Variants in CCDC3 observed in about 807,000 individuals in gnomAD.
The protein encoded by CCDC3 is coiled-coil domain containing 3.
A neutral mutation model predicts 21.4 loss-of-function variants in CCDC3; 24 were observed. The observed-to-expected ratio is 1.12, with a 90% CI of 0.81 to 1.58. The LOEUF is 1.58. Ranked by LOEUF, CCDC3 falls within the 40% of genes most tolerant of loss-of-function variation. CCDC3 has a pLI of 0.00. For synonymous variants in CCDC3, 186 were observed against 166.0 expected (o/e 1.12, Z -0.93); for missense variants, 425 against 360.9 (o/e 1.18, Z -1.44).
chr10:13,047,070 G>A (rs1836539025), intron 5 of CCDC3, among the ~76,000 whole-genome samples: 1 of 152,176 alleles, frequency 6.6e-6, no homozygotes, highest in Non-Finnish European at 1.5e-5. Context: ...CATTTATGAA[G>A]CAGCTGTTAC....
At chr10:12,908,122 G>C (rs573237170) in intron 2 of CCDC3, among the ~76,000 whole-genome samples, 6 of 152,188 alleles carry the variant, frequency 3.9e-5, no homozygotes, top group Non-Finnish European at 8.8e-5. Flanking sequence ...TTCTACTACA[G>C]AGATCATAAA....
At chr10:13,081,220 G>A (rs1233019681) in intron 3 of CCDC3, among the ~76,000 whole-genome samples, 3 of 149,840 alleles carry the variant, frequency 2.0e-5, no homozygotes, top group African/African-American at 4.9e-5. Flanking sequence ...CACTGCTGAT[G>A]TCCCCACATT....
chr10:12,947,623 A>G (rs1834935273), intron 2 of CCDC3, among the ~76,000 whole-genome samples: 2 of 152,306 alleles, frequency 1.3e-5, no homozygotes, highest in African/African-American at 4.8e-5. Context: ...GTGGACGGGA[A>G]TCTAGATCTT....
At chr10:13,057,673 T>C (rs1283695275) in intron 4 of CCDC3, among the ~76,000 whole-genome samples, 3 of 151,440 alleles carry the variant, frequency 2.0e-5, no homozygotes, top group African/African-American at 4.9e-5. Flanking sequence ...AGGTCAGGAG[T>C]TCAAGACCAG....
intron 2 of CCDC3, among the ~76,000 whole-genome samples, chr10:12,986,455 C>G (rs1439982773): frequency 6.6e-6 from 1 of 152,054 alleles, no homozygotes. Flanking sequence ...AAGATTATTC[C>G]AAAATAAAAT....
intron 4 of CCDC3, among the ~76,000 whole-genome samples, chr10:13,062,220 T>C (rs1328438690): frequency 1.3e-5 from 2 of 152,256 alleles, no homozygotes; most frequent in East Asian, 3.9e-4. Flanking sequence ...AGCTTAGTCC[T>C]CAGTCTGAAT....
intron 5 of CCDC3, among the ~76,000 whole-genome samples, chr10:13,027,049 G>A (rs1157596793): frequency 6.6e-6 from 1 of 152,160 alleles, no homozygotes; most frequent in East Asian, 1.9e-4. Flanking sequence ...AGTTCCCATG[G>A]CAATCTTGGT....
intron 2 of CCDC3, among the ~76,000 whole-genome samples, chr10:12,958,361 T>C (rs1835126417): frequency 6.6e-6 from 1 of 152,158 alleles, no homozygotes; most frequent in African/African-American, 2.4e-5. Flanking sequence ...AGCCAGCAGC[T>C]GCAGGTGCCA....
At chr10:13,020,675 T>C (rs1010074322) in intron 5 of CCDC3, among the ~76,000 whole-genome samples, 2 of 152,160 alleles carry the variant, frequency 1.3e-5, no homozygotes, top group Non-Finnish European at 2.9e-5. Context: ...CTTTTGATTA[T>C]TGGATAACCA....
chr10:13,012,424 G>A (rs1351981236), intron 5 of CCDC3, among the ~76,000 whole-genome samples: 1 of 152,134 alleles, frequency 6.6e-6, no homozygotes, highest in Non-Finnish European at 1.5e-5. Context: ...CAGCCAATAA[G>A]CATTTGAAAA....
chr10:12,930,217 G>C (rs556933171), intron 2 of CCDC3, among the ~76,000 whole-genome samples: 1 of 152,060 alleles, frequency 6.6e-6, no homozygotes, highest in South Asian at 2.1e-4. Flanking sequence ...AGGACAATAC[G>C]TTGTACAGTT....
At chr10:13,001,800 G>A (rs1433874498), upstream of CCDC3, 2 of 167,186 alleles carry the variant, frequency 1.2e-5, no homozygotes, top group African/African-American at 4.8e-5. Context: ...CCTGCGGCTG[G>A]GGCGTGGGCG....
chr10:12,899,947 G>A (rs1034095773), intron 2 of CCDC3, among the ~76,000 whole-genome samples: 5 of 152,188 alleles, frequency 3.3e-5, no homozygotes, highest in Non-Finnish European at 7.3e-5. Context: ...TGTCATGGGA[G>A]GGACCCAGTG....
rs550068998 is a variant in CCDC3, at chr10:13,032,566, T to G, written c.-2+17108A>C. 4.3e-4 allele frequency among the ~76,000 whole-genome samples: 65 copies of G among 152,310 alleles called. 1 individual carries two copies. The highest frequency in any genetic ancestry group is 9.1e-4 in the African/African-American group (38 of 41,578). On this transcript the variant is annotated intron_variant, in intron 5 of 6. Transcript: ENST00000378839. ...AAGTCAAATTGTCCCTGCTTGCAGA[T>G]GACATGATTGTATATTTAGAAAACC...
chr10:12,948,058 G>C (rs118025709), intron 2 of CCDC3, among the ~76,000 whole-genome samples: 1 of 152,142 alleles, frequency 6.6e-6, no homozygotes, highest in Admixed American at 6.5e-5. Flanking sequence ...ATCTCACCTT[G>C]AATTGTAATA....
At chr10:12,935,689 G>A (rs1237014455) in intron 2 of CCDC3, among the ~76,000 whole-genome samples, 4 of 145,078 alleles carry the variant, frequency 2.8e-5, no homozygotes, top group East Asian at 2.0e-4. Context: ...TTTTTGAGAC[G>A]GAGTCTTGCT....
chr10:13,023,120 T>C (rs1448159240), intron 5 of CCDC3, among the ~76,000 whole-genome samples: 1 of 152,162 alleles, frequency 6.6e-6, no homozygotes, highest in African/African-American at 2.4e-5. Context: ...CTTTTCATGA[T>C]TGTACAGCAA....
intron 2 of CCDC3, among the ~76,000 whole-genome samples, chr10:12,953,391 C>G (rs542098064): frequency 1.3e-5 from 2 of 152,278 alleles, no homozygotes; most frequent in East Asian, 3.8e-4. Flanking sequence ...AGACCCCCTC[C>G]CGCTCCACTA....
At chr10:12,983,162 A>ATATT (rs1157382402) in intron 2 of CCDC3, among the ~76,000 whole-genome samples, 3 of 93,848 alleles carry the variant, frequency 3.2e-5, no homozygotes, top group African/African-American at 1.2e-4. Flanking sequence ...ATATATATAT[A>ATATT]TATATATATA....
Sources: allele counts gnomAD v4.1 joint callset (sites outside exome capture counted in the v4.1 genomes callset), GRCh38; gene constraint gnomAD v4.1.1; transcripts MANE v1.5; gene names NCBI Gene and HGNC (gene_info 2026-07-23, HGNC 2026-07-21).